The following EIF2S3B variants were observed in gnomAD, a reference collection of about 807,000 sequenced individuals.
The protein encoded by EIF2S3B is eukaryotic translation initiation factor 2 subunit 3B.
In EIF2S3B, 16 loss-of-function variants were observed where a neutral mutation model predicts 26.4. The ratio of observed to expected loss-of-function variants is 0.61; its 90% CI spans 0.41 to 0.92. The LOEUF is 0.92. Among genes scored for constraint, EIF2S3B ranks in the 40% least tolerant of loss-of-function variants. The pLI is 0.00. For missense variants in EIF2S3B, 510 were observed against 575.5 expected (o/e 0.89, Z 1.16); for synonymous variants, 183 against 204.4 (o/e 0.90, Z 0.89).
intron 1 of EIF2S3B, among the ~76,000 whole-genome samples, chr12:10,515,387 T>C (rs1319660191): frequency 1.3e-5 from 2 of 152,088 alleles, no homozygotes; most frequent in Non-Finnish European, 1.5e-5. Flanking sequence ...CGGTGCCATA[T>C]ATAGTTCCTG....
intron 1 of EIF2S3B, among the ~76,000 whole-genome samples, chr12:10,520,673 C>G (rs1056977366): frequency 6.6e-6 from 1 of 152,016 alleles, no homozygotes; most frequent in African/African-American, 2.4e-5. Flanking sequence ...GTCTTCCGTT[C>G]TTTCATTTTG....
In EIF2S3B at chr12:10,506,191, C is replaced by T; in HGVS notation, c.289C>T (p.Pro97Ser). 1 of 1,577,468 alleles carries T rather than the reference C, an allele frequency of 6.3e-7. No homozygotes were observed. Residue 97 changes from proline to serine, a missense_variant, in exon 1 of 1, where the codon CCT becomes TCT. Pro to Ser is a moderately conservative substitution (Grantham distance 74). Coordinates refer to ENST00000538173, the MANE Select transcript of EIF2S3B (RefSeq NM_001357734.3). ...KIYQLDDPSC[P>S]RPECYRSCGS... ...TTATCAACTTGATGACCCAAGTTGC[C>T]CTCGGCCAGAATGTTATCGATCTTG...
intron 1 of EIF2S3B, among the ~76,000 whole-genome samples, chr12:10,520,303 T>A (rs1821703550): frequency 6.9e-6 from 1 of 144,652 alleles, no homozygotes; most frequent in South Asian, 2.2e-4. Context: ...AGGTGGGAAT[T>A]GAACAATGAG....
chr12:10,506,148 A>G lies in EIF2S3B; in HGVS notation c.246A>G (p.Gly82=). 3.8e-6 allele frequency: 6 copies of G among 1,577,614 alleles called. No individual in the cohort carries two copies. Among genetic ancestry groups the G allele is most frequent in the Non-Finnish European group, 5.2e-6 (6 of 1,146,720 alleles). ...ELERNITIKL[G]YANAKIYQLD... Reference sequence around the variant, plus strand: ...AAAGAAATATTACAATCAAGCTTGGATATGCTAATGCTAAGATTTATCAAC... The same window carrying G: ...AAAGAAATATTACAATCAAGCTTGGGTATGCTAATGCTAAGATTTATCAAC... Residue 82 remains glycine, a synonymous_variant, in exon 1 of 1, where the codon GGA becomes GGG. Transcript: ENST00000538173.
At chr12:10,515,068 T>A (rs1298425820) in intron 1 of EIF2S3B, among the ~76,000 whole-genome samples, 1 of 152,128 alleles carries the variant, frequency 6.6e-6, no homozygotes. Context: ...CCACATTTTT[T>A]ATTACCCAAG....
Position 10,506,283 on chromosome 12 carries a change from C to T in EIF2S3B, c.381C>T (p.Val127=), listed in dbSNP as rs879594806. Residue 127 remains valine (V), a synonymous_variant, in exon 1 of 1, where the codon GTC becomes GTT. Transcript: ENST00000538173. ...GAACCAAAGGGAACTTCAGATTAGTCAGACATGTTTCCTTTGTTGACTGTC... is the reference window on the plus strand; with the variant it reads ...GAACCAAAGGGAACTTCAGATTAGTTAGACATGTTTCCTTTGTTGACTGTC... ...IPGTKGNFRL[V]RHVSFVDCPG... 8.7e-6 allele frequency: 14 copies of T among 1,613,800 alleles called. No homozygotes were observed. The highest frequency in any genetic ancestry group is 1.1e-5 in the Non-Finnish European group (13 of 1,179,850).
At chr12:10,510,583 A>G (rs1274446100), downstream of EIF2S3B, among the ~76,000 whole-genome samples, 2 of 152,222 alleles carry the variant, frequency 1.3e-5, no homozygotes, top group East Asian at 1.9e-4. Context: ...CATCCCCAAG[A>G]CCATTTAGAG....
chr12:10,512,276 C>G (rs1864712305), downstream of EIF2S3B, among the ~76,000 whole-genome samples: 1 of 150,450 alleles, frequency 6.6e-6, no homozygotes, highest in African/African-American at 2.5e-5. Flanking sequence ...CATCTAAAAA[C>G]AGTCAGCTCT....
downstream of EIF2S3B, among the ~76,000 whole-genome samples, chr12:10,512,375 T>C (rs1400218240): frequency 6.6e-6 from 1 of 152,200 alleles, no homozygotes; most frequent in Non-Finnish European, 1.5e-5. Flanking sequence ...AGATGCAGAT[T>C]AATGCAGCTC....
intron 1 of EIF2S3B, among the ~76,000 whole-genome samples, chr12:10,518,646 G>C (rs186348306): frequency 3.9e-5 from 6 of 152,116 alleles, no homozygotes; most frequent in Admixed American, 3.3e-4. Flanking sequence ...AAGCTGATAA[G>C]CAACTTCAGC....
exon 2 of EIF2S3B, chr12:10,522,754 C>A: frequency 3.1e-6 from 2 of 647,516 alleles, no homozygotes; most frequent in South Asian, 3.5e-5. Flanking sequence ...CCTTTCTGCT[C>A]TGGAGATTCT....
chr12:10,519,354 T>C (rs375574799), intron 1 of EIF2S3B, among the ~76,000 whole-genome samples: 4 of 151,670 alleles, frequency 2.6e-5, no homozygotes, highest in African/African-American at 9.7e-5. Context: ...ATACAAAAAT[T>C]AATTCAAGAT....
chr12:10,510,244 C>T (rs768932633), downstream of EIF2S3B, among the ~76,000 whole-genome samples: 7 of 152,148 alleles, frequency 4.6e-5, no homozygotes, highest in Non-Finnish European at 1.0e-4. Flanking sequence ...CCTTCCTCTG[C>T]AGGTAAAAGG....
chr12:10,512,880 CTT>C (rs1864719277), downstream of EIF2S3B, among the ~76,000 whole-genome samples: 1 of 152,086 alleles, frequency 6.6e-6, no homozygotes, highest in African/African-American at 2.4e-5. Flanking sequence ...AGAGTTGTCT[CTT>C]TTTAATTTTT....
chr12:10,506,522 T>C lies in EIF2S3B; in HGVS notation c.620T>C (p.Ile207Thr), dbSNP rs145823014. 3.8e-6 allele frequency: 6 copies of C among 1,595,530 alleles called. No individual in the cohort carries two copies. The African/African-American group carries it at 6.7e-5, about 18-fold the overall frequency. Reference protein sequence around the residue: ...ERQAKEQYEQILAFVQGTVAE... With the variant: ...ERQAKEQYEQTLAFVQGTVAE... Reference sequence around the variant, plus strand: ...CAGGCTAAAGAACAATACGAGCAGATCCTTGCGTTTGTCCAAGGTACAGTA... The same window carrying C: ...CAGGCTAAAGAACAATACGAGCAGACCCTTGCGTTTGTCCAAGGTACAGTA... The change falls in exon 1 of 1, where the codon ATC becomes ACC. Residue 207 changes from isoleucine (I) to threonine (T), a missense_variant. By Grantham distance (89) the Ile-to-Thr change is moderately conservative (BLOSUM62 -1). Transcript: ENST00000538173.
At chr12:10,509,087 T>C (rs1864679721), downstream of EIF2S3B, among the ~76,000 whole-genome samples, 1 of 152,146 alleles carries the variant, frequency 6.6e-6, no homozygotes, top group Non-Finnish European at 1.5e-5. Context: ...TGCTACTTAG[T>C]GCTCTATTAT....
At chr12:10,515,824 A>G (rs771813833) in intron 1 of EIF2S3B, among the ~76,000 whole-genome samples, 5 of 151,568 alleles carry the variant, frequency 3.3e-5, no homozygotes, top group Admixed American at 6.6e-5. Flanking sequence ...AGTATACTAC[A>G]TGTATATATA....
rs917173308 is a variant in EIF2S3B at position 10,514,523 on chromosome 12, C to T, written c.1308+7313C>T. The stretch of plus-strand genomic sequence containing the variant: ...AATGGTCTATGTCTGCTACTAAAAG[C>T]TCACTCTGGAGACACAGACCAATTC... On this transcript the variant is annotated intron_variant, in intron 1 of 1. Transcript: ENST00000322446. 2.0e-5 allele frequency among the ~76,000 whole-genome samples: 3 copies of T among 152,158 alleles called. No individual in the cohort carries two copies. In the East Asian group the frequency reaches 5.8e-4, roughly 29 times the overall value.
downstream of EIF2S3B, among the ~76,000 whole-genome samples, chr12:10,510,373 G>A (rs1010789210): frequency 6.6e-6 from 1 of 152,086 alleles, no homozygotes; most frequent in Admixed American, 6.6e-5. Context: ...CTTACTCGGG[G>A]TTAATAAAAT....
Sources: gnomAD v4.1 joint callset for allele counts (sites outside exome capture counted in the v4.1 genomes callset) on GRCh38, gnomAD v4.1.1 for gene constraint, MANE v1.5 for transcripts, NCBI Gene and HGNC (gene_info 2026-07-23, HGNC 2026-07-21) for gene names.